GRID2: variants seen among roughly 807,000 people sequenced by gnomAD.
The protein encoded by GRID2 is glutamate receptor ionotropic, delta-2.
Under a neutral mutation model 114.8 loss-of-function variants are expected in GRID2, and 33 were observed. That is an observed-to-expected ratio of 0.29 (90% confidence interval 0.22 to 0.38). The LOEUF (loss-of-function observed/expected upper bound fraction) is 0.38, where lower values mean the gene tolerates loss of function less well. GRID2 is among the 10% of genes least tolerant of loss of function. The pLI is 1.00. For missense variants in GRID2, 1,184 were observed against 1,257.7 expected (o/e 0.94, Z 0.89); for synonymous variants, 505 against 449.9 (o/e 1.12, Z -1.55).
chr4:93,464,791 TAG>T (rs1724114759), intron 11 of GRID2, among the ~76,000 whole-genome samples: 1 of 152,196 alleles, frequency 6.6e-6, no homozygotes, highest in African/African-American at 2.4e-5. Context: ...CCAAAATTTA[TAG>T]AGTCTCTTTA....
chr4:92,848,622 T>C (rs1001554843), intron 2 of GRID2, among the ~76,000 whole-genome samples: 1 of 151,878 alleles, frequency 6.6e-6, no homozygotes, highest in African/African-American at 2.4e-5. Flanking sequence ...ACAATGCCTA[T>C]TGTCAAGTTA....
intron 2 of GRID2, among the ~76,000 whole-genome samples, chr4:92,644,132 C>A (rs1478679028): frequency 6.6e-6 from 1 of 151,558 alleles, no homozygotes; most frequent in African/African-American, 2.4e-5. Context: ...GGCAGAATAA[C>A]CTGCAACAAT....
chr4:92,823,101 G>A (rs1741407386), intron 2 of GRID2: 1 of 152,128 alleles, frequency 6.6e-6, no homozygotes, highest in Non-Finnish European at 1.5e-5. Flanking sequence ...CTAATTTAGA[G>A]TCTATGTGAA....
intron 1 of GRID2, among the ~76,000 whole-genome samples, chr4:92,543,750 A>G (rs1726098392): frequency 6.6e-6 from 1 of 152,192 alleles, no homozygotes; most frequent in South Asian, 2.1e-4. Context: ...ATGTTGGTAC[A>G]TGAGATAGAT....
At chr4:92,633,583 A>G (rs1029902137) in intron 2 of GRID2, among the ~76,000 whole-genome samples, 2 of 152,094 alleles carry the variant, frequency 1.3e-5, no homozygotes. Flanking sequence ...TGAGTCAATC[A>G]TTATTTGTGA....
intron 8 of GRID2, among the ~76,000 whole-genome samples, chr4:93,289,803 T>G (rs1753547862): frequency 6.6e-6 from 1 of 152,152 alleles, no homozygotes; most frequent in Non-Finnish European, 1.5e-5. Context: ...TTGTTATTTG[T>G]GGGTACGTAC....
intron 1 of GRID2, among the ~76,000 whole-genome samples, chr4:92,340,682 G>A (rs1466084694): frequency 6.6e-6 from 1 of 152,104 alleles, no homozygotes; most frequent in African/African-American, 2.4e-5. Context: ...CTGTCTAGAC[G>A]CTTGCATAGC....
At chr4:93,105,347 A>T (rs890614568) in intron 3 of GRID2, among the ~76,000 whole-genome samples, 1 of 152,074 alleles carries the variant, frequency 6.6e-6, no homozygotes. Flanking sequence ...TTTTGTTGCC[A>T]TTGCTTTTGG....
At chr4:92,392,628 CT>C (rs1345936430) in intron 1 of GRID2, among the ~76,000 whole-genome samples, 5 of 152,154 alleles carry the variant, frequency 3.3e-5, no homozygotes, top group Admixed American at 6.5e-5. Context: ...TATGTACCCC[CT>C]GTAAAGTATT....
At chr4:92,835,584 A>C (rs1170852229) in intron 2 of GRID2, among the ~76,000 whole-genome samples, 1 of 152,108 alleles carries the variant, frequency 6.6e-6, no homozygotes, top group East Asian at 1.9e-4. Context: ...GGCAGATTTC[A>C]TAGGCTGTAG....
At chr4:92,634,857 GAC>G (rs1560501862) in intron 2 of GRID2, among the ~76,000 whole-genome samples, 1,672 of 129,188 alleles carry the variant, frequency 0.013, 33 homozygotes, top group African/African-American at 0.045. Flanking sequence ...GTTGCAGAGA[GAC>G]AGAGAGAGAG....
At position 92,871,667 on chromosome 4, in the gene GRID2, G is replaced by A. The variant is rs554465476; in HGVS notation, c.245-213328G>A. 1.4e-3 allele frequency among the ~76,000 whole-genome samples: 210 copies of A among 152,108 alleles called. 1 individual carries two copies. Among genetic ancestry groups the A allele is most frequent in the Admixed American group, 1.6e-3 (25 of 15,264 alleles). ...ACTTAATGACTTACACTCCACTTTC[G>A]AAACCGGCAAATATTAGAATTTTTT... is the stretch of plus-strand genomic sequence containing the variant. On this transcript the variant is annotated intron_variant, in intron 2 of 15. Transcript: ENST00000282020.
At position 93,201,460 on chromosome 4, in the gene GRID2, A is replaced by G. The variant is rs191108082; in HGVS notation, c.736-5944A>G. ...ATCTGCTGGTGTCCTCTGCCTATGC[A>G]TGCCCCTTGCTGATCTCCACCTGAT... On this transcript the variant is annotated intron_variant, in intron 4 of 15. Transcript: ENST00000282020. Among the ~76,000 whole-genome samples the G allele has an allele frequency of 3.3e-5, 5 of 152,274 alleles. No homozygotes were observed. In the East Asian group the frequency reaches 9.7e-4, roughly 29 times the overall value.
chr4:93,772,033 C>G lies in GRID2; in HGVS notation c.2602-43C>G, dbSNP rs1734149857. ...ACTTTTTTTTTTTTAACCATCAAAG[C>G]TAGTACTGATGAGAACCTTATTTTC... On this transcript the variant is annotated intron_variant, in intron 15 of 15. Coordinates refer to ENST00000282020, the MANE Select transcript of GRID2 (RefSeq NM_001510.4). 5 of 1,186,030 alleles carry G rather than the reference C, an allele frequency of 4.2e-6. No homozygotes were observed. In the East Asian group the frequency reaches 1.2e-4, roughly 28 times the overall value. 73.5% of individuals were successfully genotyped at this position (1,186,030 alleles called of 1,614,324 possible). A position where few individuals can be genotyped will look rare whatever the true frequency, so the allele number is the denominator to read the frequency against.
intron 2 of GRID2, among the ~76,000 whole-genome samples, chr4:92,741,224 A>T (rs1305278489): frequency 1.3e-5 from 2 of 152,138 alleles, no homozygotes; most frequent in African/African-American, 4.8e-5. Context: ...GAAAGTGATT[A>T]TTCCTATCTC....
intron 8 of GRID2, among the ~76,000 whole-genome samples, chr4:93,388,144 G>A (rs760759251): frequency 1.3e-5 from 2 of 151,912 alleles, no homozygotes; most frequent in East Asian, 3.9e-4. Context: ...CCTGGGGTGG[G>A]GGCAGGAGAT....
At chr4:93,509,402 G>C (rs984840037) in intron 12 of GRID2, among the ~76,000 whole-genome samples, 1 of 152,086 alleles carries the variant, frequency 6.6e-6, no homozygotes, top group Admixed American at 6.6e-5. Flanking sequence ...AGGAAACAAG[G>C]ATACGGCAAT....
At chr4:92,503,222 T>C (rs1560675056) in intron 1 of GRID2, among the ~76,000 whole-genome samples, 2 of 152,120 alleles carry the variant, frequency 1.3e-5, no homozygotes, top group African/African-American at 4.8e-5. Context: ...TAGCAAACCC[T>C]AAATTTTAAA....
intron 2 of GRID2, among the ~76,000 whole-genome samples, chr4:92,776,159 T>G (rs542922143): frequency 6.6e-6 from 1 of 152,186 alleles, no homozygotes; most frequent in East Asian, 1.9e-4. Flanking sequence ...CTATAAACTT[T>G]TGAAATATGT....
Sources: allele counts gnomAD v4.1 joint callset (sites outside exome capture counted in the v4.1 genomes callset), GRCh38; gene constraint gnomAD v4.1.1; transcripts MANE v1.5; gene names NCBI Gene and HGNC (gene_info 2026-07-23, HGNC 2026-07-21).